Variants in GALNT14 observed in about 807,000 individuals in gnomAD.
GALNT14 encodes UDP-GalNAc:polypeptide N-acetylgalactosaminyltransferase 14.
In GALNT14, 60 loss-of-function variants were observed where a neutral mutation model predicts 77.5. The ratio of observed to expected loss-of-function variants is 0.77; its 90% confidence interval spans 0.63 to 0.96. GALNT14 has a LOEUF of 0.96. Ranked by LOEUF, GALNT14 falls within the 40% of genes least tolerant of loss-of-function variation. The pLI is 0.00. For missense variants in GALNT14, 710 were observed against 731.0 expected, an observed-to-expected ratio of 0.97 and a Z score of 0.33; for synonymous variants, 280 against 281.7, an observed-to-expected ratio of 0.99 and a Z score of 0.06.
At chr2:31,135,534 CACCT>C (rs1679189730) in intron 1 of GALNT14, among the ~76,000 whole-genome samples, 1 of 151,494 alleles carries the variant, frequency 6.6e-6, no homozygotes, top group African/African-American at 2.4e-5. Context: ...AAAAAGAAGA[CACCT>C]AATAGTAAGA....
At chr2:30,961,800 G>T (rs1020765753) in intron 3 of GALNT14, among the ~76,000 whole-genome samples, 5 of 151,964 alleles carry the variant, frequency 3.3e-5, no homozygotes, top group African/African-American at 1.2e-4. Context: ...TCCTGACTCA[G>T]CCTCCCAAGT....
At chr2:30,920,032 G>A (rs1572966379) in intron 13 of GALNT14, among the ~76,000 whole-genome samples, 1 of 152,300 alleles carries the variant, frequency 6.6e-6, no homozygotes, top group Middle Eastern at 3.4e-3. Context: ...CCCCTGTCAA[G>A]GTGGAGCTGA....
intron 12 of GALNT14, 32 bp from the exon 13 acceptor site, chr2:30,924,295 C>T (rs1222724584): frequency 6.2e-7 from 1 of 1,611,604 alleles, no homozygotes; most frequent in East Asian, 2.2e-5. Context: ...AGAGGAGAGT[C>T]CACTGCTCAT....
At chr2:31,017,418 A>G (rs536706898) in intron 1 of GALNT14, among the ~76,000 whole-genome samples, 1 of 152,364 alleles carries the variant, frequency 6.6e-6, no homozygotes, top group South Asian at 2.1e-4. Context: ...TAAATAATAC[A>G]TATAACAGAG....
chr2:30,929,628 C>T, intron 10 of GALNT14, 141 bp from the exon 11 acceptor site: 1 of 645,034 alleles, frequency 1.6e-6, no homozygotes, highest in Non-Finnish European at 2.8e-6. Flanking sequence ...GACTATCATT[C>T]CTGTTCCCAG....
chr2:30,905,775 T>G (rs1302708805), downstream of GALNT14, among the ~76,000 whole-genome samples: 5 of 148,092 alleles, frequency 3.4e-5, no homozygotes, highest in Non-Finnish European at 6.0e-5. Flanking sequence ...TCACCAAAGT[T>G]GAAATGAAGG....
chr2:31,062,320 T>C (rs1674651615), intron 1 of GALNT14, among the ~76,000 whole-genome samples: 2 of 152,214 alleles, frequency 1.3e-5, no homozygotes, highest in Admixed American at 1.3e-4. Flanking sequence ...GGTGTTTGGT[T>C]TTCTGTTCCT....
chr2:30,990,015 G>T (rs968458014), intron 2 of GALNT14, among the ~76,000 whole-genome samples: 1 of 152,018 alleles, frequency 6.6e-6, no homozygotes, highest in African/African-American at 2.4e-5. Flanking sequence ...TTTCATTTTT[G>T]AGAACTTAGG....
chr2:30,917,576 G>A (rs992937768), intron 13 of GALNT14, among the ~76,000 whole-genome samples: 8 of 152,238 alleles, frequency 5.3e-5, no homozygotes, highest in Non-Finnish European at 8.8e-5. Context: ...GGACAGCACT[G>A]CTGGTTTTGT....
At chr2:30,932,867 A>G (rs1032523109) in intron 9 of GALNT14, among the ~76,000 whole-genome samples, 17 of 152,230 alleles carry the variant, frequency 1.1e-4, no homozygotes, top group African/African-American at 4.1e-4. Flanking sequence ...TAGAGCTGAA[A>G]GCAGTTCTAG....
intron 2 of GALNT14, among the ~76,000 whole-genome samples, chr2:30,987,925 T>C (rs1418673608): frequency 1.3e-5 from 2 of 152,234 alleles, no homozygotes; most frequent in African/African-American, 4.8e-5. Flanking sequence ...GCAAATTTAA[T>C]AAGCTCAGAC....
At chr2:30,968,842 C>A (rs1284064716) in intron 2 of GALNT14, among the ~76,000 whole-genome samples, 4 of 152,180 alleles carry the variant, frequency 2.6e-5, no homozygotes, top group Non-Finnish European at 4.4e-5. Flanking sequence ...TGCCTTGAAA[C>A]AGCTCCCAGT....
chr2:30,940,569 T>C lies in GALNT14; in HGVS notation c.931+1632A>G, dbSNP rs145799747. On this transcript the variant is annotated intron_variant, in intron 9 of 14. Coordinates refer to ENST00000349752, the MANE Select transcript of GALNT14 (RefSeq NM_024572.4). Reference sequence around the variant, plus strand: ...AACATTTCAGCAGAGATTGGATGGCTGCTGTCTATAAGAAATGCTGTAGAG... The same window carrying C: ...AACATTTCAGCAGAGATTGGATGGCCGCTGTCTATAAGAAATGCTGTAGAG... Among the ~76,000 whole-genome samples, 352 of 152,372 alleles carry C rather than the reference T, an allele frequency of 2.3e-3. 3 individuals carry two copies. The highest frequency in any genetic ancestry group is 0.02 in the Admixed American group (309 of 15,306).
chr2:30,946,802 T>C (rs966441251), intron 6 of GALNT14, among the ~76,000 whole-genome samples: 1 of 152,154 alleles, frequency 6.6e-6, no homozygotes, highest in Admixed American at 6.5e-5. Flanking sequence ...CCCAGAGTCC[T>C]AACTTTAATT....
chr2:31,005,662 G>C (rs1294295329), intron 1 of GALNT14, among the ~76,000 whole-genome samples: 1 of 152,150 alleles, frequency 6.6e-6, no homozygotes, highest in East Asian at 1.9e-4. Flanking sequence ...TGGCAGAAAT[G>C]GGGTCTCTGA....
chr2:31,054,335 C>A (rs903072630), intron 1 of GALNT14, among the ~76,000 whole-genome samples: 1 of 152,190 alleles, frequency 6.6e-6, no homozygotes, highest in African/African-American at 2.4e-5. Context: ...TGCTACCTGT[C>A]ATTCCAGTCT....
At chr2:30,998,111 C>T (rs183721077) in intron 1 of GALNT14, among the ~76,000 whole-genome samples, 3 of 152,286 alleles carry the variant, frequency 2.0e-5, no homozygotes, top group Admixed American at 2.0e-4. Flanking sequence ...CACAGAAAGA[C>T]TAAGACATAA....
intron 1 of GALNT14, among the ~76,000 whole-genome samples, chr2:31,012,665 A>G (rs1463472314): frequency 1.3e-5 from 2 of 152,150 alleles, no homozygotes; most frequent in East Asian, 1.9e-4. Context: ...TGTGTAGGTC[A>G]AGCAAGATGC....
At chr2:31,033,168 C>T (rs1672518057) in intron 1 of GALNT14, among the ~76,000 whole-genome samples, 1 of 152,094 alleles carries the variant, frequency 6.6e-6, no homozygotes, top group African/African-American at 2.4e-5. Context: ...ACAGACACCC[C>T]AGGGTTTCTC....
Sources: allele counts gnomAD v4.1 joint callset (sites outside exome capture counted in the v4.1 genomes callset), GRCh38; gene constraint gnomAD v4.1.1; transcripts MANE v1.5; gene names NCBI Gene and HGNC (gene_info 2026-07-23, HGNC 2026-07-21).